FRMD5: variants seen among roughly 807,000 people sequenced by gnomAD.
FRMD5 encodes FERM domain-containing protein 5.
In FRMD5, 20 loss-of-function variants were observed where a neutral mutation model predicts 69.0. The ratio of observed to expected loss-of-function variants is 0.29; its 90% CI spans 0.20 to 0.42. FRMD5 has a LOEUF of 0.42. FRMD5 is among the 10% of genes least tolerant of loss of function. The pLI, the probability that FRMD5 is intolerant of heterozygous loss-of-function variation, is 1.00. For synonymous variants in FRMD5, 271 were observed against 260.1 expected, an observed-to-expected ratio of 1.04 and a Z score of -0.40; for missense variants, 595 against 708.6, an observed-to-expected ratio of 0.84 and a Z score of 1.82.
rs1335796245 is a variant in FRMD5, at chr15:43,962,705, G to A, written c.103-38396C>T. Among the ~76,000 whole-genome samples the A allele has an allele frequency of 2.6e-5, 4 of 152,180 alleles. 1 individual carries two copies. The highest frequency in any genetic ancestry group is 4.4e-5 in the Non-Finnish European group (3 of 68,042). On this transcript the variant is annotated intron_variant, in intron 1 of 13. Transcript: ENST00000417257. ...TCAGCATGGTACTGGTATCAAAACA[G>A]AGATATAGACCAATGGAACAGAACA...
At chr15:44,108,738 G>GTGCTTTGA (rs2076755440) in intron 1 of FRMD5, among the ~76,000 whole-genome samples, 2 of 152,012 alleles carry the variant, frequency 1.3e-5, no homozygotes, top group African/African-American at 2.4e-5. Flanking sequence ...GCCAAGACAG[G>GTGCTTTGA]AGGATCTCTG....
At chr15:43,973,338 CTAGT>C (rs1373242097) in intron 1 of FRMD5, among the ~76,000 whole-genome samples, 1 of 149,500 alleles carries the variant, frequency 6.7e-6, no homozygotes, top group African/African-American at 2.5e-5. Flanking sequence ...GGTTAATATC[CTAGT>C]TACTTTCTTG....
At chr15:44,123,020 T>C (rs2076976401) in intron 1 of FRMD5, among the ~76,000 whole-genome samples, 1 of 152,184 alleles carries the variant, frequency 6.6e-6, no homozygotes, top group Admixed American at 6.5e-5. Context: ...AAGAATCATT[T>C]TATGGCTATC....
chr15:44,001,452 A>T (rs532417230), intron 1 of FRMD5, among the ~76,000 whole-genome samples: 19 of 151,982 alleles, frequency 1.3e-4, no homozygotes, highest in Non-Finnish European at 2.2e-4. Context: ...CTGTGTTTTT[A>T]GTGTCATATT....
At chr15:44,049,277 C>G (rs2140340467) in intron 1 of FRMD5, among the ~76,000 whole-genome samples, 1 of 152,316 alleles carries the variant, frequency 6.6e-6, no homozygotes, top group South Asian at 2.1e-4. Flanking sequence ...TTTTACTTCT[C>G]CTGGAATCTG....
intron 1 of FRMD5, chr15:43,989,666 T>G: frequency 2.2e-6 from 2 of 928,768 alleles, no homozygotes; most frequent in Non-Finnish European, 3.5e-6. Flanking sequence ...CAGGATGGCA[T>G]GGGGGAGGGC....
chr15:44,192,589 A>G (rs544702072), intron 1 of FRMD5, among the ~76,000 whole-genome samples: 3 of 152,336 alleles, frequency 2.0e-5, no homozygotes, highest in Non-Finnish European at 4.4e-5. Flanking sequence ...GCACATGCAC[A>G]TATACACACA....
intron 1 of FRMD5, among the ~76,000 whole-genome samples, chr15:44,111,778 C>T (rs1237182943): frequency 6.6e-6 from 1 of 152,130 alleles, no homozygotes; most frequent in East Asian, 1.9e-4. Context: ...GTGACAGTCA[C>T]CAATCAGTAT....
At chr15:44,153,361 A>G (rs2077476615) in intron 1 of FRMD5, among the ~76,000 whole-genome samples, 1 of 152,248 alleles carries the variant, frequency 6.6e-6, no homozygotes, top group African/African-American at 2.4e-5. Flanking sequence ...TGGTATATAC[A>G]TATAATGAAG....
intron 4 of FRMD5, 47 bp from the exon 5 acceptor site, chr15:43,910,026 T>C: frequency 9.0e-7 from 1 of 1,106,050 alleles, no homozygotes; most frequent in Non-Finnish European, 1.4e-6. Context: ...CTTTGATTGC[T>C]TTAAAGATAG....
chr15:43,960,471 G>A (rs1190810052), intron 1 of FRMD5, among the ~76,000 whole-genome samples: 5 of 152,094 alleles, frequency 3.3e-5, no homozygotes, highest in East Asian at 1.9e-4. Context: ...GGATGGTCTC[G>A]ATCTCCCGAC....
chr15:43,909,856 A>G lies in FRMD5; in HGVS notation c.427+26T>C, dbSNP rs376786563. On this transcript the variant is annotated intron_variant, in intron 5 of 13. Coordinates refer to ENST00000417257, the MANE Select transcript of FRMD5 (RefSeq NM_032892.5). ...GTAATCAGTACTTGGCATGAAAAGC[A>G]AACTTATCCTGTCAAAAGTCATTAC... The G allele has an allele frequency of 1.0e-3, 1,483 of 1,451,430 alleles. 2 individuals are homozygous for G. Among genetic ancestry groups the G allele is most frequent in the Non-Finnish European group, 1.3e-3 (1,358 of 1,036,212 alleles). 89.9% of individuals were successfully genotyped at this position (1,451,430 alleles called of 1,614,324 possible).
At chr15:44,066,692 G>C (rs1893326008) in intron 1 of FRMD5, among the ~76,000 whole-genome samples, 1 of 152,174 alleles carries the variant, frequency 6.6e-6, no homozygotes, top group South Asian at 2.1e-4. Context: ...AGGAGAGTTA[G>C]GTGATAAGAA....
chr15:43,895,395 G>A lies in FRMD5; in HGVS notation c.640-3326C>T, dbSNP rs72716017. 9.2e-3 allele frequency among the ~76,000 whole-genome samples: 1,400 copies of A among 152,270 alleles called. 8 individuals carry two copies. The highest frequency in any genetic ancestry group is 0.015 in the Non-Finnish European group (1,034 of 68,020). ...ACCTCTGTCCCTCTGCAGAGCAAAG[G>A]GAATACACAGTCCCACAAGATGGGT... is the stretch of plus-strand genomic sequence containing the variant. On this transcript the variant is annotated intron_variant, in intron 7 of 13. Coordinates refer to ENST00000417257, the MANE Select transcript of FRMD5 (RefSeq NM_032892.5).
At chr15:44,178,404 C>T (rs183153149) in intron 1 of FRMD5, among the ~76,000 whole-genome samples, 1 of 152,226 alleles carries the variant, frequency 6.6e-6, no homozygotes, top group Non-Finnish European at 1.5e-5. Flanking sequence ...AACTTGAGAT[C>T]AAAACAATAG....
chr15:43,911,380 T>C (rs1345176851), intron 4 of FRMD5, among the ~76,000 whole-genome samples: 1 of 152,236 alleles, frequency 6.6e-6, no homozygotes, highest in Non-Finnish European at 1.5e-5. Flanking sequence ...CTCATTCTTC[T>C]TGAGGTTGCT....
chr15:43,965,660 C>T (rs1430424605), intron 1 of FRMD5, among the ~76,000 whole-genome samples: 1 of 148,978 alleles, frequency 6.7e-6, no homozygotes, highest in African/African-American at 2.5e-5. Flanking sequence ...CCGCTCACCA[C>T]AACCTCTGCC....
chr15:43,878,229 G>C (rs1220894067), intron 13 of FRMD5, among the ~76,000 whole-genome samples: 1 of 151,870 alleles, frequency 6.6e-6, no homozygotes, highest in Non-Finnish European at 1.5e-5. Flanking sequence ...GAGCCACCAC[G>C]CCCAGCCCCA....
chr15:44,132,762 G>GTATGTATGTATT (rs1555407247), intron 1 of FRMD5, among the ~76,000 whole-genome samples: 12 of 150,188 alleles, frequency 8.0e-5, no homozygotes, highest in East Asian at 4.0e-4. Flanking sequence ...ATGTATGTAT[G>GTATGTATGTATT]TATTTATTTT....
Sources: allele counts gnomAD v4.1 joint callset (sites outside exome capture counted in the v4.1 genomes callset), GRCh38; gene constraint gnomAD v4.1.1; transcripts MANE v1.5; gene names NCBI Gene and HGNC (gene_info 2026-07-23, HGNC 2026-07-21).